The following PXDC1 variants were observed in gnomAD, a reference collection of about 807,000 sequenced individuals.
The protein encoded by PXDC1 is PX domain containing 1, also known as PX domain-containing protein 1.
Under a neutral mutation model 24.4 loss-of-function variants are expected in PXDC1, and 13 were observed. The observed-to-expected ratio is 0.53, with a 90% confidence interval of 0.35 to 0.85. The LOEUF is 0.85. Among genes scored for constraint, PXDC1 ranks in the 40% least tolerant of loss-of-function variants. PXDC1 has a pLI of 0.01. For missense variants in PXDC1, 344 were observed against 309.3 expected, an observed-to-expected ratio of 1.11 and a Z score of -0.84; for synonymous variants, 162 against 124.9, an observed-to-expected ratio of 1.30 and a Z score of -1.98.
chr6:3,732,535 A>G (rs1274157897), intron 3 of PXDC1, among the ~76,000 whole-genome samples: 4 of 152,216 alleles, frequency 2.6e-5, no homozygotes, highest in Non-Finnish European at 4.4e-5. Flanking sequence ...TTCCTTTTAC[A>G]TTGCACAGCT....
chr6:3,730,281 C>A (rs1760166323), intron 3 of PXDC1, among the ~76,000 whole-genome samples: 1 of 152,212 alleles, frequency 6.6e-6, no homozygotes, highest in African/African-American at 2.4e-5. Flanking sequence ...GGCTACACAG[C>A]TGGCAGGTGT....
chr6:3,746,308 A>T (rs2127602451), intron 1 of PXDC1, among the ~76,000 whole-genome samples: 1 of 152,328 alleles, frequency 6.6e-6, no homozygotes, highest in African/African-American at 2.4e-5. Context: ...TCCCAGGTAC[A>T]GCAGGATGGG....
Position 3,727,696 on chromosome 6 carries a change from A to C in PXDC1, c.467-34T>G, listed in dbSNP as rs144954078. ...CAAAGCAACAAGGTGAGTCCTCAGGAGGGGTCGGAGCTTGAGGTTTTGGAG... is the reference window on the plus strand; with the variant it reads ...CAAAGCAACAAGGTGAGTCCTCAGGCGGGGTCGGAGCTTGAGGTTTTGGAG... On this transcript the variant is annotated intron_variant, in intron 3 of 4. Transcript: ENST00000380283. The C allele has an allele frequency of 1.6e-4, 225 of 1,433,246 alleles. No homozygotes were observed. In the East Asian group the frequency reaches 2.7e-3, roughly 18 times the overall value. 88.8% of individuals were successfully genotyped at this position (1,433,246 alleles called of 1,614,324 possible).
At chr6:3,726,693 T>A (rs960426879) in intron 4 of PXDC1, among the ~76,000 whole-genome samples, 1 of 152,170 alleles carries the variant, frequency 6.6e-6, no homozygotes, top group African/African-American at 2.4e-5. Context: ...CTAGTTTCAA[T>A]CTGCTGCTAT....
intron 1 of PXDC1, among the ~76,000 whole-genome samples, chr6:3,741,760 C>T (rs960914830): frequency 3.9e-5 from 6 of 152,228 alleles, no homozygotes; most frequent in East Asian, 1.9e-4. Context: ...AACGCCTCCC[C>T]GCCCCCACTC....
chr6:3,738,282 C>G, intron 1 of PXDC1, 134 bp from the exon 2 acceptor site: 1 of 708,730 alleles, frequency 1.4e-6, no homozygotes. Flanking sequence ...TTCATTCAGC[C>G]TTATGCACCT....
At position 3,751,619 on chromosome 6, in the gene PXDC1, C is replaced by T. The variant is rs1760728068; in HGVS notation, c.-88G>A. ...CGCCCCGGCCGGGGTCGTCCCGGGTCTGTCCGTGGCCGGGGTCGTCCGGGG... is the reference window on the plus strand; with the variant it reads ...CGCCCCGGCCGGGGTCGTCCCGGGTTTGTCCGTGGCCGGGGTCGTCCGGGG... On this transcript the variant is annotated 5_prime_UTR_variant, in exon 1 of 5. Coordinates refer to ENST00000380283, the MANE Select transcript of PXDC1 (RefSeq NM_183373.4). 7.3e-7 allele frequency: 1 copy of T among 1,367,726 alleles called. No individual in the cohort carries two copies. Among genetic ancestry groups the T allele is most frequent in the Non-Finnish European group, 9.4e-7 (1 of 1,066,964 alleles). The allele number at this position is 1,367,726 out of a possible 1,614,324, so 84.7% of individuals were successfully genotyped here.
At chr6:3,740,162 A>C (rs533517055) in intron 1 of PXDC1, among the ~76,000 whole-genome samples, 1 of 152,358 alleles carries the variant, frequency 6.6e-6, no homozygotes, top group African/African-American at 2.4e-5. Context: ...AGAAAGCGTG[A>C]CCTAACAATT....
rs557662410 is a variant in PXDC1 at position 3,727,521 on chromosome 6, A to T, written c.578+30T>A. ...CAAGGCAAATGGCTCAGGACAGTCT[A>T]TGAAACGATATTCAAATCAGCATAC... On this transcript the variant is annotated intron_variant, in intron 4 of 4. Coordinates refer to ENST00000380283, the MANE Select transcript of PXDC1 (RefSeq NM_183373.4). 1.0e-4 allele frequency: 153 copies of T among 1,487,154 alleles called. 1 individual carries two copies. The South Asian group carries it at 1.6e-3, about 15-fold the overall frequency. 92.1% of individuals were successfully genotyped at this position (1,487,154 alleles called of 1,614,324 possible).
intron 1 of PXDC1, among the ~76,000 whole-genome samples, chr6:3,745,870 G>C (rs1281450070): frequency 6.6e-6 from 1 of 152,188 alleles, no homozygotes; most frequent in African/African-American, 2.4e-5. Flanking sequence ...ACATCAGCAA[G>C]GTTTCTTAAC....
chr6:3,748,541 G>A (rs1276354762), intron 1 of PXDC1, among the ~76,000 whole-genome samples: 1 of 152,124 alleles, frequency 6.6e-6, no homozygotes, highest in East Asian at 1.9e-4. Context: ...CCCAGGGATG[G>A]CCTCCAAGCA....
chr6:3,746,264 C>T (rs567176344), intron 1 of PXDC1, among the ~76,000 whole-genome samples: 2 of 152,272 alleles, frequency 1.3e-5, no homozygotes, highest in South Asian at 4.1e-4. Flanking sequence ...AAACCAAACG[C>T]AGCTCAGTGG....
At chr6:3,739,127 G>T in intron 1 of PXDC1, 6 of 1,171,824 alleles carry the variant, frequency 5.1e-6, no homozygotes, top group Non-Finnish European at 6.4e-6. Context: ...CAGGGGAAAA[G>T]CCTGTTCAGT....
intron 1 of PXDC1, chr6:3,739,074 C>G (rs189202667): frequency 8.5e-7 from 1 of 1,179,440 alleles, no homozygotes; most frequent in African/African-American, 1.6e-5. Context: ...TTATTGGTCA[C>G]GGAGACTAAC....
intron 1 of PXDC1, among the ~76,000 whole-genome samples, chr6:3,738,598 C>A (rs1037678161): frequency 6.6e-6 from 1 of 152,196 alleles, no homozygotes; most frequent in African/African-American, 2.4e-5. Context: ...AGATCGCAGA[C>A]CCCTGGAAAT....
intron 3 of PXDC1, among the ~76,000 whole-genome samples, chr6:3,735,324 G>C (rs543368332): frequency 1.3e-5 from 2 of 152,300 alleles, no homozygotes; most frequent in East Asian, 3.9e-4. Flanking sequence ...ACTGATTTTT[G>C]ACAAAGGTGC....
At chr6:3,734,195 G>T (rs1278391429) in intron 3 of PXDC1, among the ~76,000 whole-genome samples, 1 of 152,188 alleles carries the variant, frequency 6.6e-6, no homozygotes, top group Non-Finnish European at 1.5e-5. Context: ...TAGGGTCCAC[G>T]TGGGCCATGT....
At chr6:3,736,315 A>G (rs970474339) in intron 3 of PXDC1, among the ~76,000 whole-genome samples, 12 of 152,124 alleles carry the variant, frequency 7.9e-5, no homozygotes, top group African/African-American at 2.9e-4. Context: ...ACAGATCGCA[A>G]CATCATGGAG....
intron 1 of PXDC1, among the ~76,000 whole-genome samples, chr6:3,739,914 C>T (rs1322162504): frequency 2.0e-5 from 3 of 152,146 alleles, no homozygotes; most frequent in African/African-American, 7.2e-5. Flanking sequence ...GAAAGGGGAG[C>T]CAATTCAAAA....
Sources: allele counts gnomAD v4.1 joint callset (sites outside exome capture counted in the v4.1 genomes callset), GRCh38; gene constraint gnomAD v4.1.1; transcripts MANE v1.5; gene names NCBI Gene and HGNC (gene_info 2026-07-23, HGNC 2026-07-21).